TMIGD2: variants seen among roughly 807,000 people sequenced by gnomAD.
The protein encoded by TMIGD2 is transmembrane and immunoglobulin domain-containing protein 2.
Under a neutral mutation model 22.6 loss-of-function variants are expected in TMIGD2, and 18 were observed. The observed-to-expected ratio is 0.80, with a 90% confidence interval of 0.55 to 1.18. The LOEUF (loss-of-function observed/expected upper bound fraction) is 1.18. Ranked by LOEUF, TMIGD2 falls within the 50% of genes most tolerant of loss-of-function variation. The pLI is 0.00. For synonymous variants in TMIGD2, 184 were observed against 154.1 expected, an observed-to-expected ratio of 1.19 and a Z score of -1.44; for missense variants, 361 against 378.2, an observed-to-expected ratio of 0.95 and a Z score of 0.38.
intron 1 of TMIGD2, 107 bp from the exon 2 acceptor site, chr19:4,298,452 C>T: frequency 7.0e-7 from 1 of 1,433,380 alleles, no homozygotes; most frequent in Non-Finnish European, 9.1e-7. Context: ...CCTCACTTGT[C>T]TAAGACGGGT....
At chr19:4,301,609 G>T (rs1971537416) in intron 1 of TMIGD2, among the ~76,000 whole-genome samples, 2 of 152,234 alleles carry the variant, frequency 1.3e-5, no homozygotes, top group Non-Finnish European at 2.9e-5. Context: ...GGCAGAGGTT[G>T]CAGTCAACCG....
At chr19:4,301,396 C>T (rs893816616) in intron 1 of TMIGD2, among the ~76,000 whole-genome samples, 4 of 152,088 alleles carry the variant, frequency 2.6e-5, no homozygotes, top group African/African-American at 4.8e-5. Context: ...TGACTGGGCA[C>T]GGTGGCTCAC....
At chr19:4,294,365 T>A (rs2144730858) in intron 4 of TMIGD2, among the ~76,000 whole-genome samples, 1 of 152,284 alleles carries the variant, frequency 6.6e-6, no homozygotes, top group East Asian at 1.9e-4. Flanking sequence ...ATTTGTAATT[T>A]TTTTGTAGAG....
Position 4,292,957 on chromosome 19 carries a change from T to C in TMIGD2, c.563-72A>G, listed in dbSNP as rs1971402733. The C allele has an allele frequency of 3.9e-6, 6 of 1,551,778 alleles. No homozygotes were observed. The African/African-American group carries it at 6.6e-5, about 17-fold the overall frequency. On this transcript the variant is annotated intron_variant, in intron 4 of 4. Coordinates refer to ENST00000301272, the Ensembl canonical transcript of TMIGD2. The stretch of plus-strand genomic sequence containing the variant: ...CCCTCTCCAGCTGACCTCTGGGGGA[T>C]CTGTCTCTTTTTTTTTTTTTCTGTG...
chr19:4,292,534 G>T (rs748660471), exon 5 of TMIGD2: 1 of 1,497,368 alleles, frequency 6.7e-7, no homozygotes, highest in Non-Finnish European at 9.3e-7. Flanking sequence ...ACCGTGTCTG[G>T]CCTCGATCCC....
At chr19:4,292,995 A>G (rs1340156418) in intron 4 of TMIGD2, 110 bp from the exon 5 acceptor site, 52 of 1,505,760 alleles carry the variant, frequency 3.5e-5, no homozygotes, top group Middle Eastern at 1.8e-4. Flanking sequence ...ACGGAGTCTC[A>G]CTCTGTCGCC....
At chr19:4,293,471 AG>A (rs1450100902) in intron 4 of TMIGD2, among the ~76,000 whole-genome samples, 1 of 150,340 alleles carries the variant, frequency 6.7e-6, no homozygotes, top group Non-Finnish European at 1.5e-5. Flanking sequence ...CACGTTGGCC[AG>A]GCTGGTCTCG....
chr19:4,302,056 C>T (rs529608640), intron 1 of TMIGD2, among the ~76,000 whole-genome samples: 1 of 152,104 alleles, frequency 6.6e-6, no homozygotes, highest in African/African-American at 2.4e-5. Context: ...AGAAAAGTCC[C>T]CAGGCTAGAG....
At chr19:4,300,542 C>T (rs1199989174) in intron 1 of TMIGD2, among the ~76,000 whole-genome samples, 4 of 152,168 alleles carry the variant, frequency 2.6e-5, no homozygotes, top group African/African-American at 9.6e-5. Flanking sequence ...GGCGACAGAG[C>T]GAGACTGTGT....
intron 2 of TMIGD2, among the ~76,000 whole-genome samples, chr19:4,296,168 C>T (rs548366720): frequency 6.6e-6 from 1 of 152,208 alleles, no homozygotes; most frequent in South Asian, 2.1e-4. Context: ...ATCCTCCCAC[C>T]TTGGCCTCCC....
At chr19:4,293,562 T>G (rs1313318215) in intron 4 of TMIGD2, among the ~76,000 whole-genome samples, 2 of 74,400 alleles carry the variant, frequency 2.7e-5, no homozygotes, top group African/African-American at 1.0e-4. Context: ...ACCCGGCCAA[T>G]TTTTTTTTTT....
exon 1 of TMIGD2, chr19:4,302,375 G>A (rs370177144): frequency 7.8e-5 from 122 of 1,568,754 alleles, no homozygotes; most frequent in Middle Eastern, 1.7e-4. Flanking sequence ...CACCATGCCC[G>A]GGGACCCCAT....
intron 2 of TMIGD2, 36 bp from the exon 3 acceptor site, chr19:4,294,852 G>C: frequency 1.3e-6 from 2 of 1,535,204 alleles, no homozygotes; most frequent in African/African-American, 1.4e-5. Context: ...GGGGTGCCAG[G>C]CTTCTCCACC....
intron 4 of TMIGD2, among the ~76,000 whole-genome samples, chr19:4,294,092 G>A (rs1268638075): frequency 2.1e-5 from 3 of 144,638 alleles, no homozygotes; most frequent in Non-Finnish European, 4.5e-5. Context: ...TTTTGAGACC[G>A]CGTCTTGCTC....
At position 4,292,949 on chromosome 19, in the gene TMIGD2, C is replaced by G. The variant is rs1287690176; in HGVS notation, c.563-64G>C. The G allele has an allele frequency of 3.8e-6, 6 of 1,566,950 alleles. No individual in the cohort carries two copies. In the Admixed American group the frequency reaches 1.2e-4, roughly 32 times the overall value. ...GAGTCCTGCCCTCTCCAGCTGACCT[C>G]TGGGGGATCTGTCTCTTTTTTTTTT... On this transcript the variant is annotated intron_variant, in intron 4 of 4. Transcript: ENST00000301272.
At chr19:4,299,134 G>T (rs1971502097) in intron 1 of TMIGD2, among the ~76,000 whole-genome samples, 1 of 151,976 alleles carries the variant, frequency 6.6e-6, no homozygotes, top group African/African-American at 2.4e-5. Flanking sequence ...TCCTTGAGGT[G>T]GTGATTTTTT....
intron 1 of TMIGD2, among the ~76,000 whole-genome samples, chr19:4,300,562 AAAAAC>A (rs1244905572): frequency 6.6e-6 from 1 of 152,180 alleles, no homozygotes; most frequent in Non-Finnish European, 1.5e-5. Context: ...TCTCAAAATA[AAAAAC>A]AAAACAAAAC....
At chr19:4,297,853 T>C (rs1221879278) in intron 2 of TMIGD2, 133 bp downstream of exon 2, 2 of 1,198,782 alleles carry the variant, frequency 1.7e-6, no homozygotes, top group South Asian at 1.7e-5. Flanking sequence ...CAAGACTCTG[T>C]CTCTTAAAAA....
intron 4 of TMIGD2, 29 bp downstream of exon 4, chr19:4,294,536 TTCCCACCTCCTCCG>T (rs779219709): frequency 6.3e-7 from 1 of 1,591,818 alleles, no homozygotes; most frequent in Non-Finnish European, 8.6e-7. Context: ...GCAGCTGCAG[TTCCCACCTCCTCCG>T]CCCTACCCTC....
Sources: gnomAD v4.1 joint callset for allele counts (sites outside exome capture counted in the v4.1 genomes callset) on GRCh38, gnomAD v4.1.1 for gene constraint, MANE v1.5 for transcripts, NCBI Gene and HGNC (gene_info 2026-07-23, HGNC 2026-07-21) for gene names.